Variants in KDM6A observed in about 807,000 individuals in gnomAD.
KDM6A encodes the protein lysine demethylase 6A, also known as lysine-specific demethylase 6A.
A neutral mutation model predicts 117.6 loss-of-function variants in KDM6A; 11 were observed. That is an observed-to-expected ratio of 0.09 (90% confidence interval 0.06 to 0.15). The LOEUF is 0.15. KDM6A is among the 10% of genes least tolerant of loss of function. The pLI is 1.00. For missense variants in KDM6A, 799 were observed against 1,077.3 expected (o/e 0.74, Z 3.62); for synonymous variants, 384 against 396.1 (o/e 0.97, Z 0.36).
intron 2 of KDM6A, among the ~76,000 whole-genome samples, chrX:44,900,769 A>G (rs760641539): frequency 2.8e-4 from 31 of 111,117 alleles, no homozygotes; most frequent in African/African-American, 1.0e-3. Context: ...TGGTGGCAGG[A>G]GCCGGTAATC....
At chrX:44,994,682 C>T in intron 4 of KDM6A, among the ~76,000 whole-genome samples, 1 of 111,644 alleles carries the variant, frequency 9.0e-6, no homozygotes, top group East Asian at 2.8e-4. Flanking sequence ...GAAGGGTGCA[C>T]CCTTACAGAT....
intron 2 of KDM6A, among the ~76,000 whole-genome samples, chrX:44,898,430 C>G (rs917850942): frequency 8.9e-6 from 1 of 112,018 alleles, no homozygotes; most frequent in East Asian, 2.8e-4. Flanking sequence ...CTGACTGACT[C>G]TAACTCACAT....
At chrX:44,935,072 GTACT>G (rs1489900258) in intron 2 of KDM6A, among the ~76,000 whole-genome samples, 1 of 111,093 alleles carries the variant, frequency 9.0e-6, no homozygotes, top group Admixed American at 9.6e-5. Flanking sequence ...GATACATGCA[GTACT>G]TACTTGGCCT....
intron 8 of KDM6A, among the ~76,000 whole-genome samples, chrX:45,040,648 A>G (rs1210834008): frequency 1.2e-5 from 1 of 81,465 alleles, no homozygotes; most frequent in East Asian, 4.5e-4. Flanking sequence ...TCCCTCCCGG[A>G]CGGGGCGGCT....
At chrX:44,994,358 C>T (rs188965907) in intron 4 of KDM6A, among the ~76,000 whole-genome samples, 1 of 111,566 alleles carries the variant, frequency 9.0e-6, no homozygotes, top group Non-Finnish European at 1.9e-5. Context: ...GAGATCATGC[C>T]GTTTTGTCTT....
At chrX:45,025,027 A>G (rs1282802638) in intron 6 of KDM6A, among the ~76,000 whole-genome samples, 1 of 112,443 alleles carries the variant, frequency 8.9e-6, no homozygotes, top group Non-Finnish European at 1.9e-5. Flanking sequence ...CCAATTCTTA[A>G]TTCGTGAACT....
intron 4 of KDM6A, among the ~76,000 whole-genome samples, chrX:45,009,402 G>T (rs559979039): frequency 1.9e-3 from 216 of 111,578 alleles, no homozygotes; most frequent in Middle Eastern, 0.014. Flanking sequence ...ACGACCAGAG[G>T]TCACTTTTGT....
At chrX:44,987,848 C>A (rs2040325118) in intron 4 of KDM6A, among the ~76,000 whole-genome samples, 1 of 110,976 alleles carries the variant, frequency 9.0e-6, no homozygotes, top group African/African-American at 3.3e-5. Flanking sequence ...ACATTTTTTC[C>A]TTCATTTCAA....
At chrX:44,901,467 A>G (rs1602116175) in intron 2 of KDM6A, among the ~76,000 whole-genome samples, 1 of 111,093 alleles carries the variant, frequency 9.0e-6, no homozygotes, top group East Asian at 2.8e-4. Flanking sequence ...CTGTTGTTGC[A>G]GGGAGTATTC....
Position 45,060,656 on chromosome X carries a change from T to G in KDM6A, c.1377T>G (p.Ser459Arg). Residue 459 changes from serine to arginine, a missense_variant, in exon 14 of 30, where the codon AGT (serine) becomes AGG (arginine). This residue lies in a region of KDM6A where 301 missense variants were observed against 318.3 expected (regional missense o/e 0.95). Coordinates refer to ENST00000611820, the MANE Select transcript of KDM6A (RefSeq NM_001291415.2). The part of the protein sequence containing the change: ...HPNTEPVLGL[S>R]QTPISQQSLP... ...ATACTGAACCTGTATTAGGCCTCAG[T>G]CAAACACCAATTTCACAGCAATCCT... The G allele has an allele frequency of 5.6e-6, 6 of 1,071,084 alleles. No individual in the cohort carries two copies. The highest frequency in any genetic ancestry group is 7.4e-6 in the Non-Finnish European group (6 of 811,106). 88.3% of individuals were successfully genotyped at this position (1,071,084 alleles called of 1,213,427 possible).
intron 4 of KDM6A, among the ~76,000 whole-genome samples, chrX:44,988,080 C>T (rs1025811683): frequency 7.1e-5 from 8 of 111,929 alleles, no homozygotes; most frequent in African/African-American, 1.6e-4. Context: ...CACGTAGTCC[C>T]GTATTTCTTG....
At chrX:45,027,138 G>C (rs1057351479) in intron 6 of KDM6A, among the ~76,000 whole-genome samples, 1 of 106,711 alleles carries the variant, frequency 9.4e-6, no homozygotes, top group Non-Finnish European at 1.9e-5. Context: ...GTGAGAGAGA[G>C]ACACACACAC....
intron 2 of KDM6A, among the ~76,000 whole-genome samples, chrX:44,893,322 A>G (rs888697467): frequency 9.0e-6 from 1 of 111,718 alleles, no homozygotes; most frequent in African/African-American, 3.3e-5. Context: ...TTGTTTACTT[A>G]GGTCTTCTTT....
chrX:45,104,342 T>G (rs1163811146), intron 27 of KDM6A, among the ~76,000 whole-genome samples: 1 of 112,976 alleles, frequency 8.9e-6, no homozygotes, highest in Non-Finnish European at 1.9e-5. Flanking sequence ...AATTCTTAAT[T>G]ACCATAAGGT....
intron 3 of KDM6A, among the ~76,000 whole-genome samples, chrX:44,968,657 G>T (rs778051358): frequency 3.6e-5 from 4 of 112,020 alleles, no homozygotes; most frequent in Non-Finnish European, 7.5e-5. Flanking sequence ...GAGTCACGGA[G>T]GTTAAATTAG....
intron 2 of KDM6A, among the ~76,000 whole-genome samples, chrX:44,951,219 C>T (rs2037982549): frequency 9.0e-6 from 1 of 111,586 alleles, no homozygotes; most frequent in African/African-American, 3.3e-5. Context: ...GCTAAGAATC[C>T]TTTGTTCGAG....
intron 2 of KDM6A, among the ~76,000 whole-genome samples, chrX:44,941,454 A>G (rs1484428757): frequency 1.9e-5 from 2 of 104,117 alleles, no homozygotes; most frequent in Non-Finnish European, 3.9e-5. Context: ...CCCCTCTTCC[A>G]TCGTTGTATA....
rs921697713 is a variant in KDM6A, at chrX:44,895,024, C to T, written c.225+21037C>T. ...TCTGGTGATCCACCCACCTTGGCTT[C>T]CCGAAGTGCTGGGATTACAGGTGTG... is the stretch of plus-strand genomic sequence containing the variant. On this transcript the variant is annotated intron_variant, in intron 2 of 29. Transcript: ENST00000611820. Among the ~76,000 whole-genome samples, 103 of 110,822 alleles carry T rather than the reference C, an allele frequency of 9.3e-4. 2 individuals carry two copies. Among genetic ancestry groups the T allele is most frequent in the Non-Finnish European group, 1.7e-4 (9 of 52,901 alleles).
chrX:44,994,341 T>C (rs951333301), intron 4 of KDM6A, among the ~76,000 whole-genome samples: 3 of 111,846 alleles, frequency 2.7e-5, no homozygotes, highest in East Asian at 2.8e-4. Flanking sequence ...AGATTCCACA[T>C]GTAAGTGAGA....
Sources: allele counts gnomAD v4.1 joint callset (sites outside exome capture counted in the v4.1 genomes callset), GRCh38; gene constraint gnomAD v4.1.1; regional missense constraint gnomAD v4.1.1; transcripts MANE v1.5; gene names NCBI Gene and HGNC (gene_info 2026-07-23, HGNC 2026-07-21).